The following CFAP57 variants were observed in gnomAD, a reference collection of about 807,000 sequenced individuals.
CFAP57 encodes the protein cilia and flagella associated protein 57.
In CFAP57, 116 loss-of-function variants were observed where a neutral mutation model predicts 146.8. The observed-to-expected ratio is 0.79, with a 90% confidence interval of 0.68 to 0.92. The LOEUF is 0.92. CFAP57 is among the 40% of genes least tolerant of loss of function. The pLI is 0.00. For missense variants in CFAP57, 1,377 were observed against 1,527.2 expected (o/e 0.90, Z 1.64); for synonymous variants, 518 against 552.8 (o/e 0.94, Z 0.88).
At position 43,209,849 on chromosome 1, in the gene CFAP57, T is replaced by C. The variant is rs1378769991; in HGVS notation, c.1862T>C (p.Met621Thr). ...ACCTCGGTGGGAACCATTCGTGCCA[T>C]GAAGTACCCTCTGCCTCTGCAGAAG... is the stretch of plus-strand genomic sequence containing the variant. Reference protein sequence around the residue: ...VGTSVGTIRAMKYPLPLQKEF... With the variant: ...VGTSVGTIRATKYPLPLQKEF... The change falls in exon 11 of 23, where the codon ATG becomes ACG. Residue 621 changes from methionine to threonine, a missense_variant. By Grantham distance (81) the Met-to-Thr change is moderately conservative. Transcript: ENST00000372492. 6.2e-7 allele frequency: 1 copy of C among 1,614,186 alleles called. No homozygotes were observed. The highest frequency in any genetic ancestry group is 1.3e-5 in the African/African-American group (1 of 75,044).
At chr1:43,178,959 A>C (rs998044191) in intron 2 of CFAP57, among the ~76,000 whole-genome samples, 5 of 152,224 alleles carry the variant, frequency 3.3e-5, no homozygotes, top group Non-Finnish European at 7.3e-5. Flanking sequence ...GCAGCCATAA[A>C]AAAGGATGAG....
chr1:43,189,226 T>TG (rs1163913486), intron 6 of CFAP57, among the ~76,000 whole-genome samples: 1 of 152,236 alleles, frequency 6.6e-6, no homozygotes, highest in Non-Finnish European at 1.5e-5. Flanking sequence ...GGGTAGTCTG[T>TG]GTCCCTTGCA....
chr1:43,234,911 C>T (rs972503217), intron 21 of CFAP57, among the ~76,000 whole-genome samples: 1 of 152,080 alleles, frequency 6.6e-6, no homozygotes, highest in Non-Finnish European at 1.5e-5. Context: ...TCCACATACC[C>T]GATTCCTCTT....
At chr1:43,183,166 T>C (rs1459032954) in intron 3 of CFAP57, among the ~76,000 whole-genome samples, 4 of 152,174 alleles carry the variant, frequency 2.6e-5, no homozygotes, top group African/African-American at 9.7e-5. Context: ...CAGGTGTACA[T>C]TGGGATAAGA....
Position 43,172,780 on chromosome 1 carries a change from G to C in CFAP57, c.27G>C (p.Leu9=). Residue 9 remains leucine (L), a synonymous_variant, in exon 2 of 23, where the codon CTG becomes CTC. Coordinates refer to ENST00000372492, the MANE Select transcript of CFAP57 (RefSeq NM_001378189.1). MSAVVAQT[L]HVFGLRSHVA... ...TGTCAGCCGTGGTAGCTCAGACGCT[G>C]CATGTTTTTGGTCTTCGATCCCACG... 6.2e-7 allele frequency: 1 copy of C among 1,614,126 alleles called. No individual in the cohort carries two copies. The highest frequency in any genetic ancestry group is 8.5e-7 in the Non-Finnish European group (1 of 1,180,018).
At position 43,243,338 on chromosome 1, in the gene CFAP57, C is replaced by T. The variant is rs535416216; in HGVS notation, c.3517C>T (p.Pro1173Ser). The T allele has an allele frequency of 2.1e-5, 33 of 1,537,492 alleles. No individual in the cohort carries two copies. The South Asian group carries it at 3.9e-4, about 18-fold the overall frequency. ...TCTGAAACTGACCAAGAAAGTCCGA[C>T]CACAAGAAGTTTCAGAGACAGGTAA... ...AALKLTKKVRPQEVSETEPSR... is the reference protein window; with the variant it reads ...AALKLTKKVRSQEVSETEPSR... Residue 1173 changes from proline (P) to serine (S), a missense_variant, in exon 22 of 23, where the codon CCA becomes TCA. By Grantham distance (74) the Pro-to-Ser change is moderately conservative. Coordinates refer to ENST00000372492, the MANE Select transcript of CFAP57 (RefSeq NM_001378189.1).
intron 12 of CFAP57, among the ~76,000 whole-genome samples, chr1:43,216,701 C>T (rs1394129701): frequency 1.3e-5 from 2 of 152,176 alleles, no homozygotes; most frequent in Admixed American, 6.5e-5. Context: ...CTCCTCCTCC[C>T]CGCTTCTGTC....
chr1:43,224,244 T>G (rs1363427969), intron 17 of CFAP57, 40 bp downstream of exon 17: 16 of 1,488,096 alleles, frequency 1.1e-5, no homozygotes, highest in Admixed American at 2.3e-5. Context: ...TACGGCCAGA[T>G]GGGCCAAGGC....
intron 22 of CFAP57, among the ~76,000 whole-genome samples, chr1:43,247,989 G>A (rs1017026826): frequency 2.0e-5 from 3 of 151,832 alleles, no homozygotes; most frequent in East Asian, 3.9e-4. Flanking sequence ...GCCGGGCGTG[G>A]TGGCAGGCAC....
chr1:43,220,904 A>G (rs1239741980), intron 13 of CFAP57, among the ~76,000 whole-genome samples: 6 of 152,158 alleles, frequency 3.9e-5, no homozygotes, highest in Non-Finnish European at 8.8e-5. Context: ...GGTGCTCTAT[A>G]TAAGCCAGGC....
chr1:43,210,208 G>A, intron 11 of CFAP57: 1 of 1,522,028 alleles, frequency 6.6e-7, no homozygotes, highest in Non-Finnish European at 8.8e-7. Context: ...GCTGCCGTGA[G>A]TGTGGGCTGC....
chr1:43,189,194 T>A (rs1418432129), intron 6 of CFAP57, among the ~76,000 whole-genome samples: 1 of 152,232 alleles, frequency 6.6e-6, no homozygotes, highest in Non-Finnish European at 1.5e-5. Flanking sequence ...GCAAATGTAG[T>A]CTACTTTATC....
chr1:43,174,472 G>A (rs1022734338), intron 2 of CFAP57, among the ~76,000 whole-genome samples: 20 of 151,960 alleles, frequency 1.3e-4, no homozygotes, highest in African/African-American at 4.8e-4. Context: ...CCTTTTTCTT[G>A]TGTTACCTGT....
chr1:43,193,235 C>T (rs1349105336), intron 6 of CFAP57, among the ~76,000 whole-genome samples: 2 of 152,132 alleles, frequency 1.3e-5, no homozygotes, highest in Non-Finnish European at 2.9e-5. Flanking sequence ...TCCTTTTACT[C>T]TCAATATATT....
At chr1:43,213,956 G>A (rs917639830) in intron 11 of CFAP57, among the ~76,000 whole-genome samples, 12 of 149,132 alleles carry the variant, frequency 8.0e-5, no homozygotes, top group African/African-American at 2.2e-4. Flanking sequence ...GTTCAATCTC[G>A]GCTCACTGCA....
intron 3 of CFAP57, 124 bp from the exon 4 acceptor site, chr1:43,183,467 G>A: frequency 1.1e-6 from 1 of 871,936 alleles, no homozygotes; most frequent in Non-Finnish European, 1.8e-6. Context: ...AAAGTTACAT[G>A]ATTTTGTGAT....
Position 43,219,562 on chromosome 1 carries a change from A to G in CFAP57, c.2247+25A>G, listed in dbSNP as rs776979355. The G allele has an allele frequency of 1.4e-4, 219 of 1,549,896 alleles. 2 individuals are homozygous for G. Among genetic ancestry groups the G allele is most frequent in the Non-Finnish European group, 3.5e-6 (4 of 1,146,820 alleles). On this transcript the variant is annotated intron_variant, in intron 13 of 22. Coordinates refer to ENST00000372492, the MANE Select transcript of CFAP57 (RefSeq NM_001378189.1). ...GGTCTGTTTAAGAGACTGACCAACAAGCACAAATAACAAGAAATTTCCACT... is the reference window on the plus strand; with the variant it reads ...GGTCTGTTTAAGAGACTGACCAACAGGCACAAATAACAAGAAATTTCCACT...
intron 22 of CFAP57, among the ~76,000 whole-genome samples, chr1:43,251,115 C>T (rs1447490848): frequency 2.6e-5 from 4 of 152,152 alleles, no homozygotes; most frequent in Admixed American, 2.0e-4. Flanking sequence ...CCACAGCAAC[C>T]GAGCTGCCAT....
At chr1:43,245,877 C>G (rs1343597099) in intron 22 of CFAP57, among the ~76,000 whole-genome samples, 1 of 152,112 alleles carries the variant, frequency 6.6e-6, no homozygotes, top group African/African-American at 2.4e-5. Context: ...GATACAAAAT[C>G]AATGCACACA....
Sources: gnomAD v4.1 joint callset for allele counts (sites outside exome capture counted in the v4.1 genomes callset) on GRCh38, gnomAD v4.1.1 for gene constraint, MANE v1.5 for transcripts, NCBI Gene and HGNC (gene_info 2026-07-23, HGNC 2026-07-21) for gene names.